Variants in RTL4 observed in about 807,000 individuals in gnomAD.
RTL4 encodes retrotransposon Gag-like protein 4.
Under a neutral mutation model 5.3 loss-of-function variants are expected in RTL4, and 4 were observed. The ratio of observed to expected loss-of-function variants is 0.75; its 90% CI spans 0.37 to 1.72. The LOEUF (loss-of-function observed/expected upper bound fraction) is 1.72, where lower values mean the gene tolerates loss of function less well. Among genes scored for constraint, RTL4 ranks in the 40% most tolerant of loss-of-function variants. RTL4 has a pLI of 0.04. For missense variants in RTL4, 260 were observed against 227.1 expected (o/e 1.14, Z -0.93); for synonymous variants, 98 against 87.3 (o/e 1.12, Z -0.68).
chrX:112,130,846 T>A, the RTL4 span, among the ~76,000 whole-genome samples: 1 of 102,910 alleles, frequency 9.7e-6, no homozygotes, highest in Non-Finnish European at 2.0e-5. Flanking sequence ...CAGTCTGGAA[T>A]GCAGTGGTGC....
chrX:112,274,454 A>T, the RTL4 span, among the ~76,000 whole-genome samples: 59 of 112,318 alleles, frequency 5.3e-4, no homozygotes, highest in African/African-American at 1.9e-3. Context: ...TAGCAATAAC[A>T]CAAACTTCTA....
chrX:112,287,700 G>A, the RTL4 span, among the ~76,000 whole-genome samples: 185 of 110,493 alleles, frequency 1.7e-3, no homozygotes, highest in South Asian at 3.0e-3. Flanking sequence ...TCTTAAAGAC[G>A]GACAGCCAGC....
the RTL4 span, among the ~76,000 whole-genome samples, chrX:112,323,520 C>T: frequency 9.1e-6 from 1 of 109,741 alleles, no homozygotes; most frequent in East Asian, 2.8e-4. Context: ...GAGACAGAGT[C>T]TCACTCTGTT....
At chrX:112,275,561 A>G in the RTL4 span, among the ~76,000 whole-genome samples, 1 of 112,035 alleles carries the variant, frequency 8.9e-6, no homozygotes, top group Admixed American at 9.5e-5. Context: ...GTGTATCAAT[A>G]ATACTGGTAA....
chrX:112,114,427 G>A, the RTL4 span, among the ~76,000 whole-genome samples: 14 of 111,936 alleles, frequency 1.3e-4, no homozygotes, highest in Non-Finnish European at 2.4e-4. Context: ...TTTCATTAAA[G>A]GCCAGGGTTT....
At chrX:112,190,142 T>TTC in the RTL4 span, among the ~76,000 whole-genome samples, 1 of 28,702 alleles carries the variant, frequency 3.5e-5, no homozygotes, top group Non-Finnish European at 6.4e-5. Context: ...GCCTGTCCCT[T>TTC]TCTTTCTTTC....
the RTL4 span, among the ~76,000 whole-genome samples, chrX:112,279,805 A>G: frequency 2.3e-3 from 259 of 111,712 alleles, no homozygotes; most frequent in African/African-American, 8.2e-3. Flanking sequence ...ATTGATGCAT[A>G]CTATCTTGAG....
chrX:112,221,100 G>A, the RTL4 span, among the ~76,000 whole-genome samples: 1 of 112,097 alleles, frequency 8.9e-6, no homozygotes, highest in Non-Finnish European at 1.9e-5. Flanking sequence ...AGGTTTAATT[G>A]ACTCACAGTT....
chrX:112,283,128 G>A, the RTL4 span, among the ~76,000 whole-genome samples: 29 of 111,038 alleles, frequency 2.6e-4, no homozygotes, highest in Non-Finnish European at 5.1e-4. Flanking sequence ...AATCTGTTTT[G>A]GGTCCTAGAA....
chrX:112,176,063 C>T, the RTL4 span, among the ~76,000 whole-genome samples: 4 of 110,594 alleles, frequency 3.6e-5, no homozygotes, highest in African/African-American at 6.7e-5. Flanking sequence ...ACAAAAATCA[C>T]GAGCATTCTT....
the RTL4 span, among the ~76,000 whole-genome samples, chrX:112,360,897 C>G: frequency 9.0e-6 from 1 of 110,648 alleles, no homozygotes; most frequent in Non-Finnish European, 1.9e-5. Context: ...TCCAAGGTCC[C>G]TGGAGTTATT....
the RTL4 span, among the ~76,000 whole-genome samples, chrX:112,124,117 A>T: frequency 8.9e-6 from 1 of 112,369 alleles, no homozygotes; most frequent in Non-Finnish European, 1.9e-5. Context: ...CCACAATCAG[A>T]TACCATCTTA....
At chrX:112,412,510 T>C in the RTL4 span, among the ~76,000 whole-genome samples, 498 of 111,375 alleles carry the variant, frequency 4.5e-3, 2 homozygotes, top group African/African-American at 0.015. Context: ...AACAGACACC[T>C]GGACCAATCA....
the RTL4 span, among the ~76,000 whole-genome samples, chrX:112,429,722 G>C: frequency 9.0e-6 from 1 of 111,130 alleles, no homozygotes; most frequent in South Asian, 3.8e-4. Flanking sequence ...TTGTTGCAAG[G>C]CATGTCTACT....
At chrX:112,442,389 C>A in the RTL4 span, among the ~76,000 whole-genome samples, 1 of 106,847 alleles carries the variant, frequency 9.4e-6, no homozygotes, top group Non-Finnish European at 1.9e-5. Flanking sequence ...TACAGGTGCC[C>A]ACCACCACAT....
chrX:112,110,088 T>C, the RTL4 span, among the ~76,000 whole-genome samples: 7 of 112,237 alleles, frequency 6.2e-5, no homozygotes, highest in African/African-American at 2.3e-4. Flanking sequence ...AGAAGCCATG[T>C]CACCCAACTC....
the RTL4 span, among the ~76,000 whole-genome samples, chrX:112,400,984 C>G: frequency 8.9e-6 from 1 of 111,930 alleles, no homozygotes; most frequent in East Asian, 2.8e-4. Flanking sequence ...CTTGGAAACA[C>G]TCTCAAGGCA....
the RTL4 span, among the ~76,000 whole-genome samples, chrX:112,344,648 A>G: frequency 0.042 from 4,698 of 112,155 alleles, 252 homozygotes; most frequent in African/African-American, 0.14. Context: ...ACAATTTGAC[A>G]TGTGAGATTT....
chrX:112,152,089 T>G, the RTL4 span, among the ~76,000 whole-genome samples: 1 of 111,418 alleles, frequency 9.0e-6, no homozygotes, highest in African/African-American at 3.3e-5. Context: ...CTTTCTTCTG[T>G]AGTTGAAATG....
Sources: gnomAD v4.1 joint callset for allele counts (sites outside exome capture counted in the v4.1 genomes callset) on GRCh38, gnomAD v4.1.1 for gene constraint, MANE v1.5 for transcripts, NCBI Gene and HGNC (gene_info 2026-07-23, HGNC 2026-07-21) for gene names.